UNC13B: variants seen among roughly 807,000 people sequenced by gnomAD.
UNC13B encodes unc-13 homolog B.
UNC13B carries 144 observed loss-of-function variants against 211.0 expected under a neutral mutation model. That is an observed-to-expected ratio of 0.68 (90% confidence interval 0.60 to 0.78). UNC13B has a LOEUF of 0.78. UNC13B is among the 30% of genes least tolerant of loss of function. UNC13B has a pLI of 0.00. For synonymous variants in UNC13B, 709 were observed against 725.8 expected, an observed-to-expected ratio of 0.98 and a Z score of 0.37; for missense variants, 1,777 against 2,002.0, an observed-to-expected ratio of 0.89 and a Z score of 2.14.
chr9:35,202,107 T>C (rs568255217), intron 1 of UNC13B, among the ~76,000 whole-genome samples: 1 of 152,344 alleles, frequency 6.6e-6, no homozygotes, highest in Non-Finnish European at 1.5e-5. Context: ...CCAGTAGTCA[T>C]TCAGGAGCAG....
chr9:35,276,895 T>C (rs1378899377), intron 7 of UNC13B, among the ~76,000 whole-genome samples: 1 of 152,220 alleles, frequency 6.6e-6, no homozygotes, highest in Non-Finnish European at 1.5e-5. Flanking sequence ...AGAATAAATG[T>C]AAAATACAAA....
At chr9:35,322,877 C>A (rs1830810038) in intron 11 of UNC13B, among the ~76,000 whole-genome samples, 1 of 152,024 alleles carries the variant, frequency 6.6e-6, no homozygotes, top group Admixed American at 6.6e-5. Flanking sequence ...AATTTCCGAT[C>A]CCTCCTTTTT....
chr9:35,383,653 A>G, intron 21 of UNC13B, among the ~76,000 whole-genome samples: 1 of 152,202 alleles, frequency 6.6e-6, no homozygotes, highest in Admixed American at 6.5e-5. Context: ...TTTTCTATGA[A>G]AATCAGCTAT....
chr9:35,196,764 A>G (rs948557059), intron 1 of UNC13B, among the ~76,000 whole-genome samples: 2 of 151,944 alleles, frequency 1.3e-5, no homozygotes, highest in African/African-American at 4.8e-5. Flanking sequence ...TTAAAAATCT[A>G]TTTATTTATT....
At chr9:35,280,832 A>G (rs949257228) in intron 7 of UNC13B, among the ~76,000 whole-genome samples, 1 of 152,228 alleles carries the variant, frequency 6.6e-6, no homozygotes, top group Admixed American at 6.5e-5. Context: ...ATTTATGTTC[A>G]GTTACAATTA....
intron 7 of UNC13B, among the ~76,000 whole-genome samples, chr9:35,291,522 G>A (rs1829098139): frequency 6.6e-6 from 1 of 152,308 alleles, no homozygotes; most frequent in East Asian, 1.9e-4. Flanking sequence ...TGATTTTCTT[G>A]ACTAGGAGGA....
chr9:35,376,110 C>G lies in UNC13B; in HGVS notation c.9698C>G (p.Thr3233Arg), dbSNP rs140172954. Reference protein sequence around the residue: ...CTTPHNFEVWTATTPTYCYEC... With the variant: ...CTTPHNFEVWRATTPTYCYEC... ...ACTCCTCATAACTTTGAGGTCTGGA[C>G]GGCCACTACCCCAACCTACTGCTAT... is the stretch of plus-strand genomic sequence containing the variant. The change falls in exon 15 of 40, where the codon ACG becomes AGG. Residue 3233 changes from threonine (T) to arginine (R), a missense_variant. Thr to Arg is a moderately conservative substitution (Grantham distance 71). Coordinates refer to ENST00000635942, the MANE Select transcript of UNC13B (RefSeq NM_001371189.2). 4.3e-6 allele frequency: 7 copies of G among 1,614,246 alleles called. No individual in the cohort carries two copies. The East Asian group carries it at 1.6e-4, about 36-fold the overall frequency.
At chr9:35,221,452 G>A (rs776763748) in intron 1 of UNC13B, among the ~76,000 whole-genome samples, 3 of 152,152 alleles carry the variant, frequency 2.0e-5, no homozygotes, top group Admixed American at 6.5e-5. Flanking sequence ...CTATTGACTT[G>A]TCTGAGCTCC....
At chr9:35,246,886 A>G (rs1041528949) in intron 6 of UNC13B, among the ~76,000 whole-genome samples, 2 of 152,174 alleles carry the variant, frequency 1.3e-5, no homozygotes, top group Non-Finnish European at 2.9e-5. Flanking sequence ...AATTCTGTGA[A>G]GAAAGTCATT....
chr9:35,183,358 G>A (rs569753576), intron 1 of UNC13B, among the ~76,000 whole-genome samples: 15 of 143,348 alleles, frequency 1.0e-4, no homozygotes, highest in African/African-American at 2.3e-4. Context: ...CAGGCGGGGC[G>A]GCCGGGCAGA....
Position 35,381,212 on chromosome 9 carries a change from T to C in UNC13B, c.10488T>C (p.His3496=), listed in dbSNP as rs1834810471. ...ACCACGTGCAGTATACATGTCTCCATGAGGTGAGCCAGCCCTTGGTAGGTG... is the reference window on the plus strand; with the variant it reads ...ACCACGTGCAGTATACATGTCTCCACGAGGTGAGCCAGCCCTTGGTAGGTG... ...APYHVQYTCL[H]ENLFHYLTDI... The change falls in exon 19 of 40, where the codon CAT becomes CAC. Residue 3496 remains histidine, a synonymous_variant. Coordinates refer to ENST00000635942, the MANE Select transcript of UNC13B (RefSeq NM_001371189.2). 6.2e-7 allele frequency: 1 copy of C among 1,612,922 alleles called. No homozygotes were observed. Among genetic ancestry groups the C allele is most frequent in the African/African-American group, 1.3e-5 (1 of 74,866 alleles).
At chr9:35,382,685 C>G (rs938269976) in intron 21 of UNC13B, among the ~76,000 whole-genome samples, 178 bp downstream of exon 21, 5 of 151,864 alleles carry the variant, frequency 3.3e-5, no homozygotes, top group East Asian at 1.9e-4. Flanking sequence ...TTCTCAGCCT[C>G]CTGAGTAGCT....
At chr9:35,254,100 A>G (rs1229477817) in intron 6 of UNC13B, among the ~76,000 whole-genome samples, 2 of 152,200 alleles carry the variant, frequency 1.3e-5, no homozygotes, top group East Asian at 1.9e-4. Flanking sequence ...TGTGTTTAAT[A>G]TACATCAGTG....
chr9:35,237,692 T>A lies in UNC13B; in HGVS notation c.271-11T>A, dbSNP rs1244852832. ...AAGATTAAACTTTAATCTTAGATCTTTGTTTCCTAGGAAGGGCCTGGGGAA... is the reference window on the plus strand; with the variant it reads ...AAGATTAAACTTTAATCTTAGATCTATGTTTCCTAGGAAGGGCCTGGGGAA... On this transcript the variant is annotated splice_polypyrimidine_tract_variant and intron_variant, in intron 4 of 39. Transcript: ENST00000635942. 1 of 1,609,582 alleles carries A rather than the reference T, an allele frequency of 6.2e-7. No individual in the cohort carries two copies. Among genetic ancestry groups the A allele is most frequent in the East Asian group, 2.2e-5 (1 of 44,848 alleles).
chr9:35,252,621 T>C (rs1826567735), intron 6 of UNC13B, among the ~76,000 whole-genome samples: 1 of 151,908 alleles, frequency 6.6e-6, no homozygotes, highest in African/African-American at 2.4e-5. Flanking sequence ...AGTCTAATTA[T>C]ATTATCCCTT....
intron 11 of UNC13B, among the ~76,000 whole-genome samples, chr9:35,348,966 G>A (rs1372257349): frequency 6.6e-6 from 1 of 151,916 alleles, no homozygotes; most frequent in Non-Finnish European, 1.5e-5. Flanking sequence ...TGCCCAGGCT[G>A]GAGTGCAGTG....
chr9:35,397,422 A>T, intron 29 of UNC13B, 112 bp downstream of exon 29: 1 of 1,500,300 alleles, frequency 6.7e-7, no homozygotes, highest in East Asian at 2.3e-5. Flanking sequence ...AGCTCGTGTG[A>T]CCCCCATTCT....
chr9:35,281,617 T>C (rs1403059189), intron 7 of UNC13B, among the ~76,000 whole-genome samples: 1 of 152,204 alleles, frequency 6.6e-6, no homozygotes, highest in Admixed American at 6.5e-5. Flanking sequence ...TCAAACAAAG[T>C]CTGTAGTTTA....
chr9:35,264,127 T>G (rs751567993), intron 7 of UNC13B, among the ~76,000 whole-genome samples: 5 of 152,086 alleles, frequency 3.3e-5, no homozygotes, highest in Non-Finnish European at 5.9e-5. Context: ...TAGAAAAAAC[T>G]GAGATTTCCA....
Sources: gnomAD v4.1 joint callset for allele counts (sites outside exome capture counted in the v4.1 genomes callset) on GRCh38, gnomAD v4.1.1 for gene constraint, MANE v1.5 for transcripts, NCBI Gene and HGNC (gene_info 2026-07-23, HGNC 2026-07-21) for gene names.